ANO2: variants seen among roughly 807,000 people sequenced by gnomAD.
The protein encoded by ANO2 is anoctamin-2.
Under a neutral mutation model 124.2 loss-of-function variants are expected in ANO2, and 101 were observed. The observed-to-expected ratio is 0.81, with a 90% CI of 0.69 to 0.96. ANO2 has a LOEUF of 0.96. Among genes scored for constraint, ANO2 ranks in the 40% least tolerant of loss-of-function variants. The pLI is 0.00. For synonymous variants in ANO2, 486 were observed against 482.5 expected, an observed-to-expected ratio of 1.01 and a Z score of -0.09; for missense variants, 1,293 against 1,274.5, an observed-to-expected ratio of 1.01 and a Z score of -0.22.
intron 14 of ANO2, among the ~76,000 whole-genome samples, chr12:5,695,367 A>G (rs1289891923): frequency 3.3e-5 from 5 of 151,298 alleles, no homozygotes; most frequent in Admixed American, 1.3e-4. Flanking sequence ...TCAAGTACAC[A>G]TGGAACTTAA....
At chr12:5,671,408 C>T (rs1357472727) in intron 14 of ANO2, among the ~76,000 whole-genome samples, 1 of 150,582 alleles carries the variant, frequency 6.6e-6, no homozygotes, top group East Asian at 2.0e-4. Flanking sequence ...CTCATTGCAA[C>T]AGTCTTTGTC....
rs1383203631 is a variant in ANO2, at chr12:5,807,303, T to C, written c.948+10A>G. On this transcript the variant is annotated intron_variant, in intron 8 of 24. Transcript: ENST00000682330. ...ACTACAGAGAGCACGCTGATGAAAA[T>C]AGTACTTACGTCATGAAGAGGGTAG... 28 of 1,550,722 alleles carry C rather than the reference T, an allele frequency of 1.8e-5. No homozygotes were observed. Among genetic ancestry groups the C allele is most frequent in the Admixed American group, 3.9e-5 (2 of 50,648 alleles).
chr12:5,732,930 T>C, intron 13 of ANO2: 4 of 1,610,066 alleles, frequency 2.5e-6, no homozygotes, highest in Non-Finnish European at 3.4e-6. Context: ...ACTGGATGGC[T>C]GATACGAAGA....
intron 20 of ANO2, among the ~76,000 whole-genome samples, chr12:5,591,067 C>G (rs1202331315): frequency 6.6e-6 from 1 of 152,190 alleles, no homozygotes; most frequent in Non-Finnish European, 1.5e-5. Context: ...ATAATCACAA[C>G]TACTCGGAAG....
chr12:5,657,358 C>T (rs1947209993), intron 14 of ANO2, among the ~76,000 whole-genome samples: 1 of 152,136 alleles, frequency 6.6e-6, no homozygotes, highest in African/African-American at 2.4e-5. Flanking sequence ...TGGGTGCCTC[C>T]ATGACACATT....
At chr12:5,887,560 G>A (rs924969781) in intron 3 of ANO2, among the ~76,000 whole-genome samples, 3 of 152,166 alleles carry the variant, frequency 2.0e-5, no homozygotes, top group Admixed American at 6.5e-5. Flanking sequence ...TTATCACTGG[G>A]TCACAACTTG....
chr12:5,638,266 C>T (rs1946137047), intron 15 of ANO2, among the ~76,000 whole-genome samples: 2 of 127,474 alleles, frequency 1.6e-5, no homozygotes, highest in South Asian at 2.6e-4. Flanking sequence ...GACGGAGTCT[C>T]ACTCCGTCAC....
At chr12:5,888,163 A>C (rs1367915095) in intron 3 of ANO2, among the ~76,000 whole-genome samples, 6 of 151,536 alleles carry the variant, frequency 4.0e-5, no homozygotes, top group Non-Finnish European at 8.8e-5. Context: ...GTCTCGCTGG[A>C]TCAGGAGTGA....
chr12:5,647,615 C>T (rs1194697406), intron 15 of ANO2, 112 bp downstream of exon 15: 4 of 909,950 alleles, frequency 4.4e-6, no homozygotes, highest in East Asian at 5.3e-5. Flanking sequence ...ACTGTGGCTT[C>T]CCCTTTACCA....
At chr12:5,601,108 G>A (rs1943916944) in intron 19 of ANO2, among the ~76,000 whole-genome samples, 1 of 152,042 alleles carries the variant, frequency 6.6e-6, no homozygotes, top group Admixed American at 6.6e-5. Flanking sequence ...ATGTCCATGG[G>A]CAAGTTATTA....
chr12:5,864,140 T>TA (rs1348534245), intron 3 of ANO2, among the ~76,000 whole-genome samples: 5 of 151,918 alleles, frequency 3.3e-5, no homozygotes, highest in East Asian at 1.9e-4. Flanking sequence ...GGATCCCACA[T>TA]AAAAAAAATC....
intron 20 of ANO2, among the ~76,000 whole-genome samples, chr12:5,588,793 C>T (rs1374286383): frequency 6.6e-6 from 1 of 152,206 alleles, no homozygotes; most frequent in African/African-American, 2.4e-5. Flanking sequence ...TTGGTTTTGA[C>T]CACAGACCGG....
At chr12:5,715,566 A>T (rs1327496627) in intron 14 of ANO2, among the ~76,000 whole-genome samples, 1 of 152,212 alleles carries the variant, frequency 6.6e-6, no homozygotes, top group African/African-American at 2.4e-5. Flanking sequence ...TCTCTCAGTG[A>T]CACATGCAAG....
intron 1 of ANO2, among the ~76,000 whole-genome samples, chr12:5,923,144 GCACACATACACACACGCATACACACA>G (rs1941849700): frequency 9.7e-5 from 4 of 41,382 alleles, no homozygotes; most frequent in Admixed American, 4.8e-4. Flanking sequence ...ACACACACAT[GCACACATACACACACGCATACACACA>G]CACGCACACA....
chr12:5,884,222 C>T (rs1314956531), intron 3 of ANO2, among the ~76,000 whole-genome samples: 2 of 152,190 alleles, frequency 1.3e-5, no homozygotes, highest in Admixed American at 1.3e-4. Context: ...CTAGCTGCCA[C>T]CACCAGGACA....
rs34787622 is a variant in ANO2 at position 5,939,213 on chromosome 12, CAAAA to C, written c.22+5979_22+5982del. Among the ~76,000 whole-genome samples, 351 of 86,198 alleles carry C rather than the reference CAAAA, an allele frequency of 4.1e-3. 7 individuals carry two copies. In the Admixed American group the frequency reaches 0.049, roughly 12 times the overall value. The allele number at this position is 86,198 out of a possible 152,430, so 56.5% of individuals were successfully genotyped here. On this transcript the variant is annotated intron_variant, in intron 1 of 24. Coordinates refer to ENST00000682330, the MANE Select transcript of ANO2 (RefSeq NM_001364791.2). ...GCCTAGTGACAGAGCAAGACTCCAA[CAAAA>C]AAAAAAAAAAAAAAAAAACTTTGTG...
At chr12:5,943,300 TG>T (rs1942967971) in intron 1 of ANO2, among the ~76,000 whole-genome samples, 2 of 151,920 alleles carry the variant, frequency 1.3e-5, no homozygotes, top group African/African-American at 4.8e-5. Flanking sequence ...TGTGTGTGTG[TG>T]TGTGTGTGTG....
intron 20 of ANO2, among the ~76,000 whole-genome samples, chr12:5,581,008 A>G (rs1942724241): frequency 6.6e-6 from 1 of 152,226 alleles, no homozygotes; most frequent in East Asian, 1.9e-4. Flanking sequence ...AAGCTCTGGA[A>G]GCCAGTTCAA....
intron 10 of ANO2, among the ~76,000 whole-genome samples, chr12:5,775,294 G>C (rs1335863582): frequency 1.3e-5 from 2 of 151,998 alleles, no homozygotes; most frequent in African/African-American, 4.8e-5. Flanking sequence ...GAGAGAGAGA[G>C]AGAGAAAAAT....
Sources: allele counts gnomAD v4.1 joint callset (sites outside exome capture counted in the v4.1 genomes callset), GRCh38; gene constraint gnomAD v4.1.1; transcripts MANE v1.5; gene names NCBI Gene and HGNC (gene_info 2026-07-23, HGNC 2026-07-21).